The following BBX variants were observed in gnomAD, a reference collection of about 807,000 sequenced individuals.
BBX encodes the protein HMG box transcription factor BBX.
A neutral mutation model predicts 100.2 loss-of-function variants in BBX; 30 were observed. The ratio of observed to expected loss-of-function variants is 0.30; its 90% CI spans 0.22 to 0.41. The LOEUF (loss-of-function observed/expected upper bound fraction) is 0.41. Ranked by LOEUF, BBX falls within the 10% of genes least tolerant of loss-of-function variation. The pLI is 1.00. For synonymous variants in BBX, 376 were observed against 388.1 expected, an observed-to-expected ratio of 0.97 and a Z score of 0.37; for missense variants, 1,023 against 1,129.8, an observed-to-expected ratio of 0.91 and a Z score of 1.35.
chr3:107,711,994 G>A lies in BBX; in HGVS notation c.162+1372G>A, dbSNP rs145365757. Reference sequence around the variant, plus strand: ...AGGCTCAAGCAGTCTTCCCACTTCAGCTCCCTGAATAGTTGGGACCACAGG... The same window carrying A: ...AGGCTCAAGCAGTCTTCCCACTTCAACTCCCTGAATAGTTGGGACCACAGG... On this transcript the variant is annotated intron_variant, in intron 4 of 17. Coordinates refer to ENST00000325805, the MANE Select transcript of BBX (RefSeq NM_001142568.3). 4.0e-3 allele frequency among the ~76,000 whole-genome samples: 607 copies of A among 152,144 alleles called. 5 individuals are homozygous for A. Among genetic ancestry groups the A allele is most frequent in the South Asian group, 0.018 (87 of 4,822 alleles).
intron 2 of BBX, among the ~76,000 whole-genome samples, chr3:107,596,853 C>G (rs963700487): frequency 6.6e-6 from 1 of 152,144 alleles, no homozygotes; most frequent in Non-Finnish European, 1.5e-5. Flanking sequence ...CAAAGTGGCT[C>G]ATTTCCTGAG....
intron 17 of BBX, 41 bp downstream of exon 17, chr3:107,801,322 C>T (rs1290602939): frequency 6.3e-7 from 1 of 1,590,942 alleles, no homozygotes; most frequent in African/African-American, 1.3e-5. Context: ...ACATGGAAAC[C>T]AGATCAACCT....
rs148002693 is a variant in BBX, at chr3:107,537,355, G to T, written c.-84+10957G>T. On this transcript the variant is annotated intron_variant, in intron 2 of 17. Coordinates refer to ENST00000325805, the MANE Select transcript of BBX (RefSeq NM_001142568.3). The stretch of plus-strand genomic sequence containing the variant: ...AGCGCACTTAATAGATAGTAAGTTT[G>T]AGCTAGATGTACAGGGGTCCAAACA... 3.1e-3 allele frequency among the ~76,000 whole-genome samples: 471 copies of T among 152,290 alleles called. 3 individuals carry two copies. Among genetic ancestry groups the T allele is most frequent in the African/African-American group, 0.011 (452 of 41,566 alleles).
At chr3:107,675,464 T>C (rs1476802193) in intron 3 of BBX, among the ~76,000 whole-genome samples, 1 of 152,162 alleles carries the variant, frequency 6.6e-6, no homozygotes, top group Non-Finnish European at 1.5e-5. Flanking sequence ...GAGTCTGTTC[T>C]GTTGTCTCTC....
chr3:107,689,442 C>A (rs568859686), intron 3 of BBX, among the ~76,000 whole-genome samples: 1 of 152,182 alleles, frequency 6.6e-6, no homozygotes, highest in Non-Finnish European at 1.5e-5. Flanking sequence ...ACTTCTGCCT[C>A]AGAAAAATTA....
chr3:107,707,759 C>T (rs1172978548), intron 3 of BBX, among the ~76,000 whole-genome samples: 1 of 152,178 alleles, frequency 6.6e-6, no homozygotes, highest in Non-Finnish European at 1.5e-5. Flanking sequence ...ATATAACCCT[C>T]ATTAATTTGA....
At chr3:107,528,194 T>G (rs964758319) in intron 2 of BBX, among the ~76,000 whole-genome samples, 1 of 152,202 alleles carries the variant, frequency 6.6e-6, no homozygotes, top group African/African-American at 2.4e-5. Context: ...GCATCTAAAA[T>G]GTATCTATTA....
At chr3:107,784,756 GAA>G (rs1230193842) in intron 13 of BBX, among the ~76,000 whole-genome samples, 1 of 151,574 alleles carries the variant, frequency 6.6e-6, no homozygotes, top group Non-Finnish European at 1.5e-5. Context: ...ACTCAAAAAA[GAA>G]GAGTAAACCA....
chr3:107,735,181 T>C (rs1407130515), intron 7 of BBX, among the ~76,000 whole-genome samples: 1 of 152,148 alleles, frequency 6.6e-6, no homozygotes, highest in African/African-American at 2.4e-5. Context: ...ATCAGTAGAC[T>C]GCATTAGCAC....
chr3:107,680,282 A>G (rs6782394), intron 3 of BBX, among the ~76,000 whole-genome samples: 53,544 of 152,064 alleles, frequency 0.35, 11,726 homozygotes, highest in Middle Eastern at 0.52. Context: ...TGTTTTACCT[A>G]GAGCTACTCC....
chr3:107,769,597 G>A (rs1053289622), intron 10 of BBX, among the ~76,000 whole-genome samples: 5 of 152,134 alleles, frequency 3.3e-5, no homozygotes, highest in Non-Finnish European at 7.4e-5. Flanking sequence ...AGCTGTTAAG[G>A]GAGATGGGAA....
chr3:107,754,537 G>A (rs2065324386), intron 9 of BBX, among the ~76,000 whole-genome samples: 1 of 152,092 alleles, frequency 6.6e-6, no homozygotes, highest in Non-Finnish European at 1.5e-5. Flanking sequence ...TTAAATACAT[G>A]CTTCTACAAA....
chr3:107,718,146 G>A (rs979262818), intron 5 of BBX, among the ~76,000 whole-genome samples: 1 of 148,828 alleles, frequency 6.7e-6, no homozygotes, highest in Non-Finnish European at 1.5e-5. Context: ...TAGCATAGTT[G>A]CTACTAAAAA....
intron 5 of BBX, among the ~76,000 whole-genome samples, chr3:107,723,880 T>C (rs2107458952): frequency 6.6e-6 from 1 of 152,332 alleles, no homozygotes; most frequent in East Asian, 1.9e-4. Flanking sequence ...TATGTGTGCA[T>C]GTGTCTTTAT....
At chr3:107,564,259 A>G (rs1294272992) in intron 2 of BBX, among the ~76,000 whole-genome samples, 1 of 151,970 alleles carries the variant, frequency 6.6e-6, no homozygotes, top group Non-Finnish European at 1.5e-5. Context: ...TTTTTGAATG[A>G]GCTTTACATA....
At chr3:107,711,558 C>T (rs756378809) in intron 4 of BBX, among the ~76,000 whole-genome samples, 9 of 152,184 alleles carry the variant, frequency 5.9e-5, no homozygotes, top group Non-Finnish European at 1.2e-4. Flanking sequence ...TCTAAGGTCT[C>T]TCTTACTAAT....
chr3:107,734,579 A>T (rs569193679), intron 7 of BBX, among the ~76,000 whole-genome samples: 2 of 152,318 alleles, frequency 1.3e-5, no homozygotes, highest in African/African-American at 4.8e-5. Context: ...ACTCAATATG[A>T]TTCCCAAGAA....
At chr3:107,665,491 T>C (rs564679131) in intron 3 of BBX, among the ~76,000 whole-genome samples, 1 of 152,174 alleles carries the variant, frequency 6.6e-6, no homozygotes, top group African/African-American at 2.4e-5. Flanking sequence ...TGAATCTATC[T>C]ACCTTACTGA....
chr3:107,638,845 C>T, intron 2 of BBX, among the ~76,000 whole-genome samples: 1 of 139,760 alleles, frequency 7.2e-6, no homozygotes, highest in Admixed American at 7.3e-5. Context: ...ACAAATTAGC[C>T]AGGTCTGGTG....
Sources: allele counts gnomAD v4.1 joint callset (sites outside exome capture counted in the v4.1 genomes callset), GRCh38; gene constraint gnomAD v4.1.1; transcripts MANE v1.5; gene names NCBI Gene and HGNC (gene_info 2026-07-23, HGNC 2026-07-21).